The following NFIB variants were observed in gnomAD, a reference collection of about 807,000 sequenced individuals.
NFIB encodes nuclear factor 1 B-type.
NFIB carries 11 observed loss-of-function variants against 61.5 expected under a neutral mutation model. The ratio of observed to expected loss-of-function variants is 0.18; its 90% confidence interval spans 0.11 to 0.30. The LOEUF is 0.30. NFIB is among the 10% of genes least tolerant of loss of function. The probability of loss-of-function intolerance (pLI) is 1.00; values close to 1 mark genes in which losing one functional copy is unlikely to be tolerated. For missense variants in NFIB, 471 were observed against 608.9 expected, an observed-to-expected ratio of 0.77 and a Z score of 2.38; for synonymous variants, 260 against 216.5, an observed-to-expected ratio of 1.20 and a Z score of -1.76.
Position 14,307,809 on chromosome 9 carries a change from AC to A in NFIB, c.31-290del. 3.9e-6 allele frequency: 1 copy of A among 254,314 alleles called. No homozygotes were observed. The highest frequency in any genetic ancestry group is 7.6e-6 in the Non-Finnish European group (1 of 131,744). 15.8% of individuals were successfully genotyped at this position (254,314 alleles called of 1,614,324 possible). A position where few individuals can be genotyped will look rare whatever the true frequency, so the allele number is the denominator to read the frequency against. ...CTCTGGCCCCATCCCCCTTGTTTCC[AC>A]CCCAATGCCATGCATTCTACATTCT... On this transcript the variant is annotated intron_variant, in intron 1 of 10. Transcript: ENST00000380953. The surrounding 1 kb of genome is among the most constrained non-coding windows in gnomAD (Gnocchi z 5.3).
chr9:14,456,686 A>C, the NFIB span, among the ~76,000 whole-genome samples: 1 of 152,198 alleles, frequency 6.6e-6, no homozygotes, highest in Non-Finnish European at 1.5e-5. Context: ...TAGATTGCAG[A>C]GATCCCAGAG....
At chr9:14,467,225 G>A in the NFIB span, among the ~76,000 whole-genome samples, 21 of 152,164 alleles carry the variant, frequency 1.4e-4, no homozygotes, top group Non-Finnish European at 2.5e-4. Flanking sequence ...GTGAAGAAAA[G>A]GCTATTCCGT....
intron 1 of NFIB, among the ~76,000 whole-genome samples, chr9:14,330,685 G>C (rs891261908): frequency 1.1e-4 from 16 of 152,040 alleles, no homozygotes; most frequent in African/African-American, 3.6e-4. Context: ...CCACTCTCTA[G>C]GTTTTGCTCC....
the NFIB span, among the ~76,000 whole-genome samples, chr9:14,462,749 C>T: frequency 6.6e-6 from 1 of 152,178 alleles, no homozygotes; most frequent in South Asian, 2.1e-4. Context: ...TTCCTGACCA[C>T]AGGGACTATG....
chr9:14,362,522 G>C (rs1460119408), intron 1 of NFIB: 1 of 152,168 alleles, frequency 6.6e-6, no homozygotes, highest in African/African-American at 2.4e-5. Flanking sequence ...ACCACAAACT[G>C]TGGGGAAACT....
the NFIB span, among the ~76,000 whole-genome samples, chr9:14,427,921 A>G: frequency 1.8e-5 from 1 of 55,106 alleles, no homozygotes; most frequent in Non-Finnish European, 4.6e-5. Context: ...GATCTACATT[A>G]TTCTTTAATT....
chr9:14,101,336 TG>T (rs893699298), intron 10 of NFIB, among the ~76,000 whole-genome samples: 3 of 152,372 alleles, frequency 2.0e-5, no homozygotes, highest in African/African-American at 7.2e-5. Flanking sequence ...AAAAAGTCAT[TG>T]TTTTTAAAAA....
intron 3 of NFIB, among the ~76,000 whole-genome samples, chr9:14,160,305 G>C (rs975446897): frequency 1.3e-5 from 2 of 151,922 alleles, no homozygotes; most frequent in Non-Finnish European, 2.9e-5. Context: ...GGACACAATG[G>C]CATATCTAAC....
the NFIB span, among the ~76,000 whole-genome samples, chr9:14,502,838 G>A: frequency 6.6e-6 from 1 of 152,126 alleles, no homozygotes; most frequent in African/African-American, 2.4e-5. Context: ...CATCACCTGA[G>A]CAGTGTACAC....
intron 6 of NFIB, among the ~76,000 whole-genome samples, chr9:14,127,124 A>G (rs1488753710): frequency 1.3e-5 from 2 of 152,220 alleles, no homozygotes; most frequent in African/African-American, 4.8e-5. Context: ...GAACTAATGC[A>G]ATAAATATTT....
chr9:14,204,242 C>A, intron 2 of NFIB: 1 of 608,650 alleles, frequency 1.6e-6, no homozygotes, highest in Non-Finnish European at 2.9e-6. Flanking sequence ...CCGTCCACTG[C>A]CCAAGATGTG....
the NFIB span, among the ~76,000 whole-genome samples, chr9:14,458,941 C>A: frequency 6.6e-6 from 1 of 152,116 alleles, no homozygotes; most frequent in Non-Finnish European, 1.5e-5. Context: ...GGCCATACTG[C>A]CCAAGGTAAT....
the NFIB span, among the ~76,000 whole-genome samples, chr9:14,477,847 T>C: frequency 1.3e-5 from 2 of 152,198 alleles, no homozygotes; most frequent in Non-Finnish European, 2.9e-5. Context: ...TTCGTTAATC[T>C]AGCCACATTG....
At position 14,396,821 on chromosome 9, in the gene NFIB, G is replaced by C. The variant is rs147479647; in HGVS notation, c.108+1703C>G. Among the ~76,000 whole-genome samples, 342 of 152,302 alleles carry C rather than the reference G, an allele frequency of 2.2e-3. 4 individuals are homozygous for C. Among genetic ancestry groups the C allele is most frequent in the African/African-American group, 7.8e-3 (326 of 41,562 alleles). On this transcript the variant is annotated intron_variant, in intron 1 of 8. Coordinates refer to the NFIB transcript ENST00000380934. ...CATTGTCACAGGAGCCTGTGACCCA[G>C]TATCATTCTCTGTAGCTGAATCTAA...
At chr9:14,379,768 C>T (rs780078587) in intron 1 of NFIB, among the ~76,000 whole-genome samples, 8 of 152,030 alleles carry the variant, frequency 5.3e-5, no homozygotes, top group South Asian at 2.1e-4. Context: ...CTGCAACCTC[C>T]GCCTCCCGGG....
intron 2 of NFIB, among the ~76,000 whole-genome samples, chr9:14,203,479 A>T (rs2049282410): frequency 6.6e-6 from 1 of 152,234 alleles, no homozygotes; most frequent in Non-Finnish European, 1.5e-5. Context: ...CTTTGTAATT[A>T]TAAGATATTT....
At chr9:14,196,861 G>A (rs143687249) in intron 2 of NFIB, among the ~76,000 whole-genome samples, 2 of 152,210 alleles carry the variant, frequency 1.3e-5, no homozygotes, top group East Asian at 3.9e-4. Context: ...TTCAAAATTT[G>A]TTGTCAAATC....
intron 2 of NFIB, among the ~76,000 whole-genome samples, chr9:14,280,256 C>A (rs768088823): frequency 2.0e-5 from 3 of 152,076 alleles, no homozygotes; most frequent in Non-Finnish European, 4.4e-5. Context: ...TGACCCTGGG[C>A]ATAATTTTTC....
chr9:14,267,952 G>A (rs1327906633), intron 2 of NFIB, among the ~76,000 whole-genome samples: 1 of 152,080 alleles, frequency 6.6e-6, no homozygotes, highest in Non-Finnish European at 1.5e-5. Flanking sequence ...GGCCAACATG[G>A]TGAAACCCCA....
Sources: gnomAD v4.1 joint callset for allele counts (sites outside exome capture counted in the v4.1 genomes callset) on GRCh38, gnomAD v4.1.1 for gene constraint, Gnocchi (gnomAD v3.1) non-coding constraint, MANE v1.5 for transcripts, NCBI Gene and HGNC (gene_info 2026-07-23, HGNC 2026-07-21) for gene names.